CDK14: variants seen among roughly 807,000 people sequenced by gnomAD.
CDK14 encodes the protein cyclin dependent kinase 14, also known as cyclin-dependent kinase 14.
A neutral mutation model predicts 60.7 loss-of-function variants in CDK14; 34 were observed. The observed-to-expected ratio is 0.56, with a 90% confidence interval of 0.43 to 0.75. CDK14 has a LOEUF of 0.75. Ranked by LOEUF, CDK14 falls within the 30% of genes least tolerant of loss-of-function variation. The pLI is 0.00. For missense variants in CDK14, 482 were observed against 564.1 expected (o/e 0.85, Z 1.47); for synonymous variants, 197 against 203.7 (o/e 0.97, Z 0.28).
chr7:90,668,921 G>A (rs989149757), intron 2 of CDK14, among the ~76,000 whole-genome samples: 2 of 150,996 alleles, frequency 1.3e-5, no homozygotes, highest in Non-Finnish European at 3.0e-5. Flanking sequence ...TATTAGAGAC[G>A]GGGTCTCACT....
chr7:90,669,986 T>C (rs1801064664), intron 2 of CDK14, among the ~76,000 whole-genome samples: 1 of 152,212 alleles, frequency 6.6e-6, no homozygotes, highest in African/African-American at 2.4e-5. Flanking sequence ...AAGATAAATT[T>C]GCATTTACTT....
intron 2 of CDK14, among the ~76,000 whole-genome samples, chr7:90,630,094 C>G (rs1435344167): frequency 6.6e-6 from 1 of 150,838 alleles, no homozygotes; most frequent in Non-Finnish European, 1.5e-5. Flanking sequence ...AAACACCACA[C>G]ACAAAACCAC....
chr7:90,642,717 C>T (rs1800367671), intron 2 of CDK14, among the ~76,000 whole-genome samples: 1 of 151,976 alleles, frequency 6.6e-6, no homozygotes, highest in Admixed American at 6.6e-5. Context: ...ATAGGTATTG[C>T]CATGTTACTT....
At chr7:91,043,755 G>T (rs1313053532) in intron 10 of CDK14, among the ~76,000 whole-genome samples, 1 of 152,090 alleles carries the variant, frequency 6.6e-6, no homozygotes, top group African/African-American at 2.4e-5. Context: ...AAGTAACCAA[G>T]TATGAGTCTT....
intron 6 of CDK14, among the ~76,000 whole-genome samples, chr7:90,895,673 G>A (rs1464661679): frequency 6.9e-6 from 1 of 145,254 alleles, no homozygotes; most frequent in Non-Finnish European, 1.5e-5. Flanking sequence ...CAATTCTCCT[G>A]CCTCAGCTTC....
intron 2 of CDK14, chr7:90,631,844 A>T (rs2116403726): frequency 6.6e-6 from 1 of 152,388 alleles, no homozygotes; most frequent in Admixed American, 6.5e-5. Flanking sequence ...ATGGCACTGG[A>T]AAAAGGTCAC....
Position 90,633,479 on chromosome 7 carries a change from A to G in CDK14, c.123+29230A>G, listed in dbSNP as rs1423162525. Among the ~76,000 whole-genome samples the G allele has an allele frequency of 5.3e-5, 8 of 152,340 alleles. No individual in the cohort carries two copies. The East Asian group carries it at 7.7e-4, about 15-fold the overall frequency. ...ATTTTGTTTATTTTTATTTGTAACA[A>G]TTCATTGACTTAAGGCCCAATTAAT... On this transcript the variant is annotated intron_variant, in intron 2 of 14. Coordinates refer to ENST00000380050, the MANE Select transcript of CDK14 (RefSeq NM_001287135.2).
chr7:90,769,854 T>G (rs1355210289), intron 4 of CDK14, among the ~76,000 whole-genome samples: 1 of 152,222 alleles, frequency 6.6e-6, no homozygotes, highest in Non-Finnish European at 1.5e-5. Context: ...GTTTGCTGTT[T>G]TAGTCCTCAT....
At chr7:90,617,561 G>A (rs539459458) in intron 2 of CDK14, among the ~76,000 whole-genome samples, 8 of 152,196 alleles carry the variant, frequency 5.3e-5, no homozygotes, top group Admixed American at 1.3e-4. Flanking sequence ...TTACAGAGAG[G>A]AAACTGAGAC....
intron 6 of CDK14, among the ~76,000 whole-genome samples, chr7:90,874,817 C>T (rs528517040): frequency 2.6e-5 from 4 of 152,042 alleles, no homozygotes; most frequent in Admixed American, 2.0e-4. Flanking sequence ...CGTGAGCCAC[C>T]GCGCCCGGCC....
chr7:90,757,209 A>AGTGTGTGTGTGTGTGTGTGTGTGTGT (rs56790315), intron 4 of CDK14, among the ~76,000 whole-genome samples: 1 of 120,294 alleles, frequency 8.3e-6, no homozygotes, highest in Non-Finnish European at 1.7e-5. Flanking sequence ...GCATTCTTCC[A>AGTGTGTGTGTGTGTGTGTGTGTGTGT]GTGTGTGTGT....
At chr7:90,668,316 T>C (rs1323016887) in intron 2 of CDK14, among the ~76,000 whole-genome samples, 1 of 152,204 alleles carries the variant, frequency 6.6e-6, no homozygotes, top group East Asian at 1.9e-4. Flanking sequence ...CATATCTTCT[T>C]TGGAGAAATG....
intron 11 of CDK14, among the ~76,000 whole-genome samples, chr7:91,076,878 C>A (rs922264884): frequency 6.6e-5 from 10 of 152,264 alleles, no homozygotes; most frequent in Admixed American, 6.5e-4. Flanking sequence ...ATTTATACAG[C>A]CAACAAACAT....
intron 10 of CDK14, among the ~76,000 whole-genome samples, chr7:91,005,700 C>A (rs1795964171): frequency 6.6e-6 from 1 of 152,184 alleles, no homozygotes; most frequent in Non-Finnish European, 1.5e-5. Flanking sequence ...GTTTTCTACA[C>A]TTGGATAAAA....
chr7:90,988,560 G>A (rs1447236343), intron 10 of CDK14, among the ~76,000 whole-genome samples: 1 of 152,148 alleles, frequency 6.6e-6, no homozygotes, highest in East Asian at 1.9e-4. Context: ...TATATTCAGA[G>A]TGACAAAATC....
chr7:91,158,208 G>A (rs1801048667), intron 14 of CDK14, among the ~76,000 whole-genome samples: 1 of 147,702 alleles, frequency 6.8e-6, no homozygotes, highest in Admixed American at 6.8e-5. Context: ...TATATTATAT[G>A]TTTGGCAAAT....
At chr7:90,986,775 GATA>G (rs1290012857) in intron 10 of CDK14, among the ~76,000 whole-genome samples, 1 of 151,794 alleles carries the variant, frequency 6.6e-6, no homozygotes, top group Non-Finnish European at 1.5e-5. Context: ...CATGTATAAT[GATA>G]ATAATAGTAT....
chr7:91,035,079 G>C (rs1796882826), intron 10 of CDK14, among the ~76,000 whole-genome samples: 1 of 152,060 alleles, frequency 6.6e-6, no homozygotes, highest in South Asian at 2.1e-4. Context: ...AAGTGGGGAA[G>C]GAAAGCTTTC....
At chr7:91,045,746 G>A in intron 10 of CDK14, 151 bp from the exon 11 acceptor site, 2 of 573,640 alleles carry the variant, frequency 3.5e-6, no homozygotes, top group Non-Finnish European at 6.2e-6. Flanking sequence ...AGCTGGGTTT[G>A]TTTTTACTGA....
Sources: allele counts gnomAD v4.1 joint callset (sites outside exome capture counted in the v4.1 genomes callset), GRCh38; gene constraint gnomAD v4.1.1; transcripts MANE v1.5; gene names NCBI Gene and HGNC (gene_info 2026-07-23, HGNC 2026-07-21).